The following RBFOX1 variants were observed in gnomAD, a reference collection of about 807,000 sequenced individuals.
RBFOX1 encodes the protein RNA binding protein fox-1 homolog 1.
RBFOX1 carries 8 observed loss-of-function variants against 57.7 expected under a neutral mutation model. The ratio of observed to expected loss-of-function variants is 0.14; its 90% CI spans 0.08 to 0.25. The LOEUF is 0.25. Among genes scored for constraint, RBFOX1 ranks in the 10% least tolerant of loss-of-function variants. RBFOX1 has a pLI of 1.00. For missense variants in RBFOX1, 611 were observed against 548.5 expected, an observed-to-expected ratio of 1.11 and a Z score of -1.14; for synonymous variants, 326 against 222.4, an observed-to-expected ratio of 1.47 and a Z score of -4.15.
At chr16:6,972,615 A>G (rs1037610676) in intron 3 of RBFOX1, among the ~76,000 whole-genome samples, 2 of 152,058 alleles carry the variant, frequency 1.3e-5, no homozygotes, top group South Asian at 4.2e-4. Context: ...GGAGACATTG[A>G]TGATGCAGGA....
At chr16:7,587,131 G>C in intron 6 of RBFOX1, 116 bp from the exon 7 acceptor site, 1 of 1,214,872 alleles carries the variant, frequency 8.2e-7, no homozygotes, top group Non-Finnish European at 1.1e-6. Context: ...AACATAAAAT[G>C]TGTATCCTTG....
chr16:5,344,698 C>T (rs1279180019), intron 1 of RBFOX1, among the ~76,000 whole-genome samples: 1 of 151,970 alleles, frequency 6.6e-6, no homozygotes, highest in Non-Finnish European at 1.5e-5. Flanking sequence ...ATCTGCATTC[C>T]AAATTATATC....
At chr16:7,662,902 C>T (rs528736859) in intron 12 of RBFOX1, among the ~76,000 whole-genome samples, 2 of 152,232 alleles carry the variant, frequency 1.3e-5, no homozygotes, top group African/African-American at 4.8e-5. Context: ...AGGCACTGCA[C>T]TGTTGATTGA....
chr16:7,428,676 A>G (rs763082827), intron 4 of RBFOX1, among the ~76,000 whole-genome samples: 8 of 151,812 alleles, frequency 5.3e-5, no homozygotes, highest in Non-Finnish European at 1.2e-4. Flanking sequence ...TGACCAGAGA[A>G]TTAATATCTA....
At chr16:5,981,260 G>C (rs1035032047) in intron 4 of RBFOX1, among the ~76,000 whole-genome samples, 5 of 152,186 alleles carry the variant, frequency 3.3e-5, no homozygotes, top group Non-Finnish European at 7.3e-5. Flanking sequence ...AGGAGGGCTG[G>C]GCTGGATCTT....
chr16:7,276,892 C>T (rs1013804834), intron 4 of RBFOX1, among the ~76,000 whole-genome samples: 1 of 152,100 alleles, frequency 6.6e-6, no homozygotes, highest in Admixed American at 6.6e-5. Context: ...TGAGTGGAAT[C>T]TCAAATGTTT....
chr16:5,557,312 T>A (rs11641512), intron 2 of RBFOX1, among the ~76,000 whole-genome samples: 1 of 151,108 alleles, frequency 6.6e-6, no homozygotes, highest in Non-Finnish European at 1.5e-5. Context: ...TAAAAATTTC[T>A]GAAAGGTTGT....
chr16:5,256,940 G>GA (rs545846882), intron 1 of RBFOX1, among the ~76,000 whole-genome samples: 4,425 of 134,274 alleles, frequency 0.033, 112 homozygotes, highest in Middle Eastern at 0.1. Context: ...TCTGAAAAAA[G>GA]AAAAAAAAAA....
At chr16:6,615,310 C>T (rs541780214) in intron 2 of RBFOX1, among the ~76,000 whole-genome samples, 3 of 152,104 alleles carry the variant, frequency 2.0e-5, no homozygotes, top group Non-Finnish European at 4.4e-5. Flanking sequence ...ATCCTCATGC[C>T]AGTAATTCTA....
At chr16:7,078,299 A>C (rs1235171435) in intron 4 of RBFOX1, among the ~76,000 whole-genome samples, 1 of 152,212 alleles carries the variant, frequency 6.6e-6, no homozygotes, top group Non-Finnish European at 1.5e-5. Flanking sequence ...TAACCCAGAA[A>C]TGGTTTATCT....
intron 2 of RBFOX1, among the ~76,000 whole-genome samples, chr16:6,533,962 A>G (rs1174500873): frequency 6.6e-6 from 1 of 152,186 alleles, no homozygotes; most frequent in Non-Finnish European, 1.5e-5. Flanking sequence ...ATAACAATGT[A>G]TATTATATAT....
chr16:6,145,229 C>T (rs1027302322), intron 1 of RBFOX1, among the ~76,000 whole-genome samples: 5 of 152,066 alleles, frequency 3.3e-5, no homozygotes, highest in African/African-American at 9.7e-5. Context: ...TTGTTCCCCT[C>T]TATGTGTCCA....
chr16:7,348,004 C>T (rs924410066), intron 4 of RBFOX1, among the ~76,000 whole-genome samples: 5 of 152,180 alleles, frequency 3.3e-5, no homozygotes, highest in South Asian at 2.1e-4. Flanking sequence ...CCAGTCTTAA[C>T]GAGCAGTCAA....
intron 2 of RBFOX1, among the ~76,000 whole-genome samples, chr16:5,503,257 C>T (rs2043260619): frequency 6.6e-6 from 1 of 152,178 alleles, no homozygotes; most frequent in African/African-American, 2.4e-5. Flanking sequence ...ATAGGAAGAT[C>T]CAAGAGGACC....
At chr16:6,679,439 C>T (rs536099537) in intron 3 of RBFOX1, among the ~76,000 whole-genome samples, 6 of 152,020 alleles carry the variant, frequency 3.9e-5, no homozygotes, top group East Asian at 1.9e-4. Flanking sequence ...TGCAGTGCCT[C>T]GTTTCTTGGT....
chr16:6,826,557 C>T (rs997095480), intron 3 of RBFOX1, among the ~76,000 whole-genome samples: 2 of 152,108 alleles, frequency 1.3e-5, no homozygotes, highest in African/African-American at 4.8e-5. Flanking sequence ...TACGTGCTTG[C>T]GGGCATGCGT....
chr16:6,806,437 C>G (rs1462029945), intron 3 of RBFOX1, among the ~76,000 whole-genome samples: 1 of 152,072 alleles, frequency 6.6e-6, no homozygotes, highest in Admixed American at 6.6e-5. Context: ...AATTCATATG[C>G]TAACTAGAGC....
At chr16:6,960,327 A>C (rs2082696059) in intron 3 of RBFOX1, among the ~76,000 whole-genome samples, 1 of 152,178 alleles carries the variant, frequency 6.6e-6, no homozygotes, top group Admixed American at 6.5e-5. Flanking sequence ...AGACGAATGC[A>C]CACTTACAGG....
intron 4 of RBFOX1, among the ~76,000 whole-genome samples, chr16:7,481,655 G>A (rs1173590254): frequency 6.6e-6 from 1 of 152,092 alleles, no homozygotes; most frequent in Non-Finnish European, 1.5e-5. Context: ...GGTATTCCTT[G>A]TACCAACCTT....
Sources: gnomAD v4.1 joint callset for allele counts (sites outside exome capture counted in the v4.1 genomes callset) on GRCh38, gnomAD v4.1.1 for gene constraint, MANE v1.5 for transcripts, NCBI Gene and HGNC (gene_info 2026-07-23, HGNC 2026-07-21) for gene names.